Variants in SIPA1L3 observed in about 807,000 individuals in gnomAD.
SIPA1L3 encodes the protein signal-induced proliferation-associated 1-like protein 3.
SIPA1L3 carries 59 observed loss-of-function variants against 150.1 expected under a neutral mutation model. The ratio of observed to expected loss-of-function variants is 0.39; its 90% CI spans 0.32 to 0.49. The LOEUF is 0.49. SIPA1L3 is among the 20% of genes least tolerant of loss of function. The pLI is 0.86. For missense variants in SIPA1L3, 2,211 were observed against 2,489.5 expected (o/e 0.89, Z 2.38); for synonymous variants, 1,070 against 1,077.6 (o/e 0.99, Z 0.14).
intron 2 of SIPA1L3, among the ~76,000 whole-genome samples, chr19:38,033,608 C>T (rs1218865847): frequency 1.3e-5 from 2 of 152,028 alleles, no homozygotes; most frequent in Non-Finnish European, 2.9e-5. Context: ...GGATCACTTG[C>T]GCCCAGGAGG....
In SIPA1L3 at chr19:38,206,306, C is replaced by G; in HGVS notation, c.*66C>G. ...CCGTGGCCCTGCTGCCTCTCTCCCT[C>G]CACTCAGCTCCCAGCTGCCGGTGTG... On this transcript the variant is annotated 3_prime_UTR_variant, in exon 22 of 22. Coordinates refer to ENST00000222345, the MANE Select transcript of SIPA1L3 (RefSeq NM_015073.3). 1 of 1,476,794 alleles carries G rather than the reference C, an allele frequency of 6.8e-7. No homozygotes were observed. Among genetic ancestry groups the G allele is most frequent in the South Asian group, 1.4e-5 (1 of 72,902 alleles). The allele number at this position is 1,476,794 out of a possible 1,614,324, so 91.5% of individuals were successfully genotyped here.
chr19:38,143,277 G>A (rs990877984), intron 12 of SIPA1L3, among the ~76,000 whole-genome samples: 1 of 152,130 alleles, frequency 6.6e-6, no homozygotes, highest in African/African-American at 2.4e-5. Flanking sequence ...CGTGCCCTCT[G>A]TTCTTCCTCT....
intron 1 of SIPA1L3, among the ~76,000 whole-genome samples, chr19:37,984,149 T>C (rs1181932205): frequency 2.0e-5 from 3 of 152,164 alleles, no homozygotes; most frequent in Non-Finnish European, 4.4e-5. Context: ...GTGTGAGCCC[T>C]GCGCAGGGCG....
chr19:38,105,394 C>T (rs967046509), intron 6 of SIPA1L3, among the ~76,000 whole-genome samples: 1 of 151,740 alleles, frequency 6.6e-6, no homozygotes, highest in Non-Finnish European at 1.5e-5. Context: ...GATCTGGAAT[C>T]CAACAGCCTG....
intron 20 of SIPA1L3, among the ~76,000 whole-genome samples, chr19:38,202,990 A>G (rs1322839973): frequency 6.6e-6 from 1 of 152,220 alleles, no homozygotes; most frequent in African/African-American, 2.4e-5. Flanking sequence ...TTCTGCCTGT[A>G]CATGGATTTA....
intron 2 of SIPA1L3, among the ~76,000 whole-genome samples, chr19:38,045,543 G>T (rs940725661): frequency 6.6e-6 from 1 of 152,140 alleles, no homozygotes; most frequent in African/African-American, 2.4e-5. Context: ...CTGCACTCCA[G>T]CCTGGGTGAC....
intron 19 of SIPA1L3, among the ~76,000 whole-genome samples, chr19:38,201,606 C>T (rs1351495154): frequency 2.6e-5 from 4 of 152,244 alleles, no homozygotes; most frequent in African/African-American, 9.6e-5. Context: ...CTGGCTTCTT[C>T]AGCCCTTGCG....
chr19:38,087,038 G>A (rs8104687), intron 3 of SIPA1L3, among the ~76,000 whole-genome samples: 1 of 152,192 alleles, frequency 6.6e-6, no homozygotes, highest in African/African-American at 2.4e-5. Flanking sequence ...AGGTTGGGGG[G>A]CAGGGTTCTT....
Sources: gnomAD v4.1 joint callset for allele counts (sites outside exome capture counted in the v4.1 genomes callset) on GRCh38, gnomAD v4.1.1 for gene constraint, MANE v1.5 for transcripts, NCBI Gene and HGNC (gene_info 2026-07-23, HGNC 2026-07-21) for gene names.